The following LONRF2 variants were observed in gnomAD, a reference collection of about 807,000 sequenced individuals.
LONRF2 encodes LON peptidase N-terminal domain and RING finger protein 2.
A neutral mutation model predicts 66.6 loss-of-function variants in LONRF2; 35 were observed. That is an observed-to-expected ratio of 0.53 (90% CI 0.40 to 0.70). The LOEUF is 0.70. LONRF2 is among the 30% of genes least tolerant of loss of function. The pLI is 0.00. For missense variants in LONRF2, 902 were observed against 1,002.1 expected (o/e 0.90, Z 1.35); for synonymous variants, 417 against 418.1 (o/e 1.00, Z 0.03).
At chr2:100,309,081 T>A in intron 2 of LONRF2, 26 bp downstream of exon 2, 1 of 1,398,980 alleles carries the variant, frequency 7.1e-7, no homozygotes. Context: ...ACATTGATTA[T>A]CTCCAAAGCT....
At chr2:100,286,169 A>G (rs1369290765) in intron 11 of LONRF2, among the ~76,000 whole-genome samples, 1 of 151,752 alleles carries the variant, frequency 6.6e-6, no homozygotes, top group African/African-American at 2.4e-5. Flanking sequence ...CAAGAGACAG[A>G]AAAAAAAAGT....
At position 100,284,474 on chromosome 2, in the gene LONRF2, C is replaced by T; in HGVS notation, c.2089G>A (p.Ala697Thr). ...PEPQSNPSGP[A>T]WSWWILAVLP... ...ACGGCCAGGATCCACCAGGACCAGGCAGGGCCGCTGGGATTACTCTGCAAA... is the reference window on the plus strand; with the variant it reads ...ACGGCCAGGATCCACCAGGACCAGGTAGGGCCGCTGGGATTACTCTGCAAA... Residue 697 changes from alanine to threonine, a missense_variant, in exon 12 of 12, where the codon GCC becomes ACC. By Grantham distance (58) the Ala-to-Thr change is moderately conservative. Coordinates refer to ENST00000393437, the MANE Select transcript of LONRF2 (RefSeq NM_198461.4). 6.3e-7 allele frequency: 1 copy of T among 1,597,712 alleles called. No homozygotes were observed. Among genetic ancestry groups the T allele is most frequent in the Non-Finnish European group, 8.5e-7 (1 of 1,172,264 alleles).
At chr2:100,288,412 CA>C (rs1674890455) in intron 10 of LONRF2, among the ~76,000 whole-genome samples, 1 of 152,196 alleles carries the variant, frequency 6.6e-6, no homozygotes, top group South Asian at 2.1e-4. Context: ...TTCCAAATGT[CA>C]ACCAAAGAAT....
chr2:100,295,585 T>TG, intron 7 of LONRF2, 32 bp from the exon 8 acceptor site: 1 of 1,600,430 alleles, frequency 6.2e-7, no homozygotes, highest in Non-Finnish European at 8.5e-7. Context: ...TGATACTGTA[T>TG]GGTAATTGAT....
intron 1 of LONRF2, among the ~76,000 whole-genome samples, chr2:100,316,180 G>T (rs570462854): frequency 6.6e-6 from 1 of 151,870 alleles, no homozygotes; most frequent in East Asian, 1.9e-4. Context: ...TTAGCCAGGC[G>T]TTGTGGCAGG....
chr2:100,319,120 T>TA (rs10658854), intron 1 of LONRF2, among the ~76,000 whole-genome samples: 15,601 of 140,402 alleles, frequency 0.11, 2,724 homozygotes, highest in African/African-American at 0.37. Flanking sequence ...GACTCCGTCT[T>TA]AAAAAAAAAA....
In LONRF2 at chr2:100,309,237, G is replaced by A. The variant is rs1573123707; in HGVS notation, c.680-12C>T. The A allele has an allele frequency of 1.9e-6, 3 of 1,544,464 alleles. No individual in the cohort carries two copies. Among genetic ancestry groups the A allele is most frequent in the Non-Finnish European group, 1.8e-6 (2 of 1,132,442 alleles). On this transcript the variant is annotated splice_polypyrimidine_tract_variant and intron_variant, in intron 1 of 11. Transcript: ENST00000393437. Reference sequence around the variant, plus strand: ...ATTATCATCAGGAGCTGAAAGACAGGAGGAATACAAATCAATAAAAATGAC... The same window carrying A: ...ATTATCATCAGGAGCTGAAAGACAGAAGGAATACAAATCAATAAAAATGAC...
At chr2:100,298,099 T>C (rs1407576421) in intron 7 of LONRF2, among the ~76,000 whole-genome samples, 2 of 152,152 alleles carry the variant, frequency 1.3e-5, no homozygotes, top group East Asian at 3.8e-4. Flanking sequence ...AGGAAGATAC[T>C]CCCCACCCCC....
chr2:100,320,989 A>T (rs560316200), intron 1 of LONRF2, among the ~76,000 whole-genome samples: 1 of 152,168 alleles, frequency 6.6e-6, no homozygotes. Flanking sequence ...CTTCCTGGCT[A>T]TATTAGCTGA....
chr2:100,292,176 G>A (rs566468139), intron 9 of LONRF2, among the ~76,000 whole-genome samples: 2 of 152,252 alleles, frequency 1.3e-5, no homozygotes, highest in South Asian at 2.1e-4. Context: ...AACTGGAGGC[G>A]CCCTGAAGAT....
At chr2:100,286,860 C>G in intron 11 of LONRF2, 54 bp downstream of exon 11, 1 of 1,572,120 alleles carries the variant, frequency 6.4e-7, no homozygotes, top group East Asian at 2.3e-5. Context: ...AATGATGGCT[C>G]AGCACACTAC....
At chr2:100,301,598 C>T (rs1213466917) in intron 3 of LONRF2, among the ~76,000 whole-genome samples, 1 of 152,232 alleles carries the variant, frequency 6.6e-6, no homozygotes, top group Non-Finnish European at 1.5e-5. Context: ...AGCCACATTC[C>T]ATGTGAACAG....
chr2:100,285,663 C>A (rs550580412), intron 11 of LONRF2, among the ~76,000 whole-genome samples: 1 of 152,136 alleles, frequency 6.6e-6, no homozygotes, highest in East Asian at 1.9e-4. Context: ...TTTGGAAGAA[C>A]GGTCGGAGAG....
chr2:100,311,988 T>C (rs1285317951), intron 1 of LONRF2, among the ~76,000 whole-genome samples: 1 of 152,208 alleles, frequency 6.6e-6, no homozygotes, highest in Non-Finnish European at 1.5e-5. Flanking sequence ...AAGACTAGCC[T>C]ACACATTTTT....
chr2:100,301,447 C>T (rs1675182848), intron 3 of LONRF2, among the ~76,000 whole-genome samples: 1 of 152,202 alleles, frequency 6.6e-6, no homozygotes, highest in African/African-American at 2.4e-5. Flanking sequence ...AGACTCCTCC[C>T]ACTCTCCACT....
chr2:100,308,082 G>C lies in LONRF2; in HGVS notation c.798+1025C>G, dbSNP rs896400120. 4.6e-5 allele frequency among the ~76,000 whole-genome samples: 7 copies of C among 152,224 alleles called. No homozygotes were observed. The South Asian group carries it at 6.2e-4, about 14-fold the overall frequency. ...TCAAAGCATTTGTTTTAAAAGATGG[G>C]AGGGAGGCCGGGCGTGGTGGCTCAC... On this transcript the variant is annotated intron_variant, in intron 2 of 11. Transcript: ENST00000393437.
In LONRF2 at chr2:100,290,345, C is replaced by A; in HGVS notation, c.1833G>T (p.Ala611=). Residue 611 remains alanine, a synonymous_variant, in exon 10 of 12, where the codon GCG becomes GCT. Transcript: ENST00000393437. ...TFPDGSSVVD[A]IGISRFRVLS... ...GCACTCGGAACCGACTGATGCCAAT[C>A]GCGTCTACAACAGAACTTCCATCAG... 1 of 1,614,180 alleles carries A rather than the reference C, an allele frequency of 6.2e-7. No homozygotes were observed. Among genetic ancestry groups the A allele is most frequent in the Non-Finnish European group, 8.5e-7 (1 of 1,180,018 alleles).
intron 10 of LONRF2, among the ~76,000 whole-genome samples, chr2:100,287,538 G>A (rs978489644): frequency 6.6e-6 from 1 of 152,176 alleles, no homozygotes; most frequent in Non-Finnish European, 1.5e-5. Flanking sequence ...CCAAGTCAAA[G>A]GGTGACATTT....
chr2:100,296,103 G>A (rs549809907), intron 7 of LONRF2, among the ~76,000 whole-genome samples: 9 of 152,140 alleles, frequency 5.9e-5, no homozygotes, highest in Admixed American at 2.0e-4. Flanking sequence ...GGATTAAAGC[G>A]GGATGTGAAG....
Sources: gnomAD v4.1 joint callset for allele counts (sites outside exome capture counted in the v4.1 genomes callset) on GRCh38, gnomAD v4.1.1 for gene constraint, MANE v1.5 for transcripts, NCBI Gene and HGNC (gene_info 2026-07-23, HGNC 2026-07-21) for gene names.